Variants in FLNC observed in about 807,000 individuals in gnomAD.
The protein encoded by FLNC is filamin-C.
In FLNC, 91 loss-of-function variants were observed where a neutral mutation model predicts 254.3. That is an observed-to-expected ratio of 0.36 (90% CI 0.30 to 0.43). The LOEUF (loss-of-function observed/expected upper bound fraction) is 0.43. FLNC is among the 20% of genes least tolerant of loss of function. FLNC has a pLI of 1.00. For missense variants in FLNC, 2,853 were observed against 3,802.6 expected (o/e 0.75, Z 6.57); for synonymous variants, 1,430 against 1,577.2 (o/e 0.91, Z 2.21).
At chr7:128,850,707 G>T (rs1260321890) in intron 32 of FLNC, 96 bp from the exon 33 acceptor site, 2 of 1,561,322 alleles carry the variant, frequency 1.3e-6, no homozygotes, top group Non-Finnish European at 1.7e-6. Context: ...CTGGCTTCTC[G>T]GGTGGCAGCA....
chr7:128,849,290 C>T (rs1340335055), intron 29 of FLNC, 41 bp from the exon 30 acceptor site: 1 of 1,614,112 alleles, frequency 6.2e-7, no homozygotes, highest in South Asian at 1.1e-5. Context: ...AGGGCTGGCT[C>T]CAGCCCACCA....
Position 128,835,196 on chromosome 7 carries a change from G to T in FLNC, c.353-130G>T. 8.1e-7 allele frequency: 1 copy of T among 1,234,158 alleles called. No individual in the cohort carries two copies. The highest frequency in any genetic ancestry group is 1.2e-6 in the Non-Finnish European group (1 of 855,968). 76.5% of individuals were successfully genotyped at this position (1,234,158 alleles called of 1,614,324 possible). A position where few individuals can be genotyped will look rare whatever the true frequency, so the allele number is the denominator to read the frequency against. On this transcript the variant is annotated intron_variant, in intron 1 of 47. Transcript: ENST00000325888. The surrounding 1 kb of genome is among the most constrained non-coding windows in gnomAD (Gnocchi z 5.3). ...AGTGGGGCCTCGCAGGAGGGAGAGG[G>T]TCAGGTAGGCAGAGACTAGAGGCCT...
At position 128,830,812 on chromosome 7, in the gene FLNC, G is replaced by T; in HGVS notation, c.175G>T (p.Asp59Tyr). 6.2e-7 allele frequency: 1 copy of T among 1,613,070 alleles called. No homozygotes were observed. The highest frequency in any genetic ancestry group is 8.5e-7 in the Non-Finnish European group (1 of 1,179,922). The change falls in exon 1 of 48, where the codon GAC becomes TAC. Residue 59 changes from aspartate to tyrosine, a missense_variant. Around this residue, in one of 10 missense-constraint regions of FLNC, gnomAD observed 59 missense variants for 59.8 expected, o/e 0.99. Coordinates refer to ENST00000325888, the MANE Select transcript of FLNC (RefSeq NM_001458.5). ...HLKCVGKRLT[D>Y]LQRDLSDGLR... ...CAAGTGCGTGGGCAAGCGCCTGACC[G>T]ACCTGCAGCGCGACCTCAGCGACGG...
In FLNC at chr7:128,853,328, C is replaced by T. The variant is rs117360467; in HGVS notation, c.6209-141C>T. On this transcript the variant is annotated intron_variant, in intron 37 of 47. Coordinates refer to ENST00000325888, the MANE Select transcript of FLNC (RefSeq NM_001458.5). ...CCGCCTGTCCCGTGGTGCCCCCGCT[C>T]CTCCCACTGAGCCATTTTTGTTAGT... 0.01 allele frequency: 11,161 copies of T among 1,071,922 alleles called. 70 individuals carry two copies. The highest frequency in any genetic ancestry group is 0.013 in the Non-Finnish European group (9,174 of 723,690). 66.4% of individuals were successfully genotyped at this position (1,071,922 alleles called of 1,614,324 possible).
rs373212534 is a variant in FLNC, at chr7:128,842,249, A to G, written c.2140A>G (p.Ile714Val). Residue 714 changes from isoleucine to valine, a missense_variant, in exon 14 of 48, where the codon ATC (isoleucine) becomes GTC (valine). Around this residue, in one of 10 missense-constraint regions of FLNC, gnomAD observed 1,573 missense variants for 1,883.5 expected, o/e 0.84. Transcript: ENST00000325888. The surrounding 1 kb of genome is among the most constrained non-coding windows in gnomAD (Gnocchi z 5.4). ...CCCACAGGACGCCGACGGCTGTCCC[A>G]TCGACATCAAGGTGATCCCCAACGG... ...LYAQDADGCP[I>V]DIKVIPNGDG... 9 of 1,613,616 alleles carry G rather than the reference A, an allele frequency of 5.6e-6. No individual in the cohort carries two copies. The African/African-American group carries it at 6.7e-5, about 12-fold the overall frequency.
At chr7:128,850,742 A>G (rs1248070991) in intron 32 of FLNC, 61 bp from the exon 33 acceptor site, 1 of 1,610,538 alleles carries the variant, frequency 6.2e-7, no homozygotes, top group Admixed American at 1.7e-5. Flanking sequence ...CAGGCCTGGG[A>G]CAGCAGGGAG....
rs772477251 is a variant in FLNC at position 128,852,863 on chromosome 7, G to C, written c.6040G>C (p.Val2014Leu). The change falls in exon 37 of 48, where the codon GTG (valine) becomes CTG (leucine). Residue 2014 changes from valine to leucine, a missense_variant. This residue lies in a region of FLNC where 551 missense variants were observed against 835.0 expected (regional missense o/e 0.66). Coordinates refer to ENST00000325888, the MANE Select transcript of FLNC (RefSeq NM_001458.5). Reference sequence around the variant, plus strand: ...CACCCCCAAGGAGGTCGGGGAGCACGTGGTGAGCGTGCGCAAGAGTGGCAA... The same window carrying C: ...CACCCCCAAGGAGGTCGGGGAGCACCTGGTGAGCGTGCGCAAGAGTGGCAA... Reference protein sequence around the residue: ...SFTPKEVGEHVVSVRKSGKHV... With the variant: ...SFTPKEVGEHLVSVRKSGKHV... The C allele has an allele frequency of 4.3e-6, 7 of 1,613,868 alleles. No individual in the cohort carries two copies. Among genetic ancestry groups the C allele is most frequent in the South Asian group, 1.1e-5 (1 of 91,074 alleles).
At chr7:128,837,287 G>C in intron 3 of FLNC, 30 bp downstream of exon 3, 1 of 1,577,372 alleles carries the variant, frequency 6.3e-7, no homozygotes, top group African/African-American at 1.3e-5. Flanking sequence ...AGGGGGGAAA[G>C]GGGGCAGGGG....
chr7:128,844,303 G>C, intron 20 of FLNC, 37 bp downstream of exon 20: 1 of 1,573,380 alleles, frequency 6.4e-7, no homozygotes, highest in Non-Finnish European at 8.6e-7. Context: ...TGGGAGTTGG[G>C]GACTTGTTGG....
At chr7:128,844,343 C>A in intron 20 of FLNC, 77 bp downstream of exon 20, 1 of 1,487,996 alleles carries the variant, frequency 6.7e-7, no homozygotes. Flanking sequence ...GGGGCAGAGG[C>A]CAGAGGGACT....
rs1170465988 is a variant in FLNC, at chr7:128,855,260, G to A, written c.7197G>A (p.Val2399=). 7.4e-6 allele frequency: 12 copies of A among 1,613,964 alleles called. No homozygotes were observed. Among genetic ancestry groups the A allele is most frequent in the South Asian group, 1.1e-5 (1 of 91,074 alleles). Residue 2399 remains valine, a synonymous_variant, in exon 43 of 48, where the codon GTG becomes GTA. Coordinates refer to ENST00000325888, the MANE Select transcript of FLNC (RefSeq NM_001458.5). ...ACATCCCAGACAGCCCCTTTGTGGT[G>A]CCTGTGGCCTCCCTCTCGGATGACG... ...DEHIPDSPFV[V]PVASLSDDAR...
rs1808437642 is a variant in FLNC at position 128,843,741 on chromosome 7, G to A, written c.2812-55G>A. The A allele has an allele frequency of 4.5e-6, 7 of 1,545,280 alleles. No individual in the cohort carries two copies. The East Asian group carries it at 1.6e-4, about 35-fold the overall frequency. On this transcript the variant is annotated intron_variant, in intron 18 of 47. Coordinates refer to ENST00000325888, the MANE Select transcript of FLNC (RefSeq NM_001458.5). Reference sequence around the variant, plus strand: ...CTTCAGAGCCCATATTCACCACCAGGATGTTGTAGGACCTTGCCTTATATC... The same window carrying A: ...CTTCAGAGCCCATATTCACCACCAGAATGTTGTAGGACCTTGCCTTATATC...
chr7:128,853,458 C>A lies in FLNC; in HGVS notation c.6209-11C>A. 1 of 1,613,830 alleles carries A rather than the reference C, an allele frequency of 6.2e-7. No homozygotes were observed. Among genetic ancestry groups the A allele is most frequent in the Non-Finnish European group, 8.5e-7 (1 of 1,179,990 alleles). On this transcript the variant is annotated splice_polypyrimidine_tract_variant and intron_variant, in intron 37 of 47. Coordinates refer to ENST00000325888, the MANE Select transcript of FLNC (RefSeq NM_001458.5). ...AGGACTGAGGGAGATGTGTTCCTTG[C>A]TTTCCCCCAGGTTATGGGGGCTTGG...
chr7:128,833,311 C>G (rs768708679), intron 1 of FLNC, among the ~76,000 whole-genome samples: 1 of 152,252 alleles, frequency 6.6e-6, no homozygotes, highest in African/African-American at 2.4e-5. Flanking sequence ...CTCTCCTCCC[C>G]CTCCATTTGA....
chr7:128,833,695 G>A (rs1173200505), intron 1 of FLNC, among the ~76,000 whole-genome samples: 4 of 152,222 alleles, frequency 2.6e-5, no homozygotes, highest in African/African-American at 9.7e-5. Flanking sequence ...ACTTCTGGGC[G>A]TGTGAGCTTT....
Position 128,852,823 on chromosome 7 carries a change from C to T in FLNC, c.6005-5C>T. ...GATGCTCTGCCTAACACCCACTTTC[C>T]ACAGGGATCTCCTTCACCCCCAAGG... is the stretch of plus-strand genomic sequence containing the variant. On this transcript the variant is annotated splice_polypyrimidine_tract_variant and splice_region_variant and intron_variant, in intron 36 of 47. Coordinates refer to ENST00000325888, the MANE Select transcript of FLNC (RefSeq NM_001458.5). The T allele has an allele frequency of 3.1e-6, 5 of 1,613,876 alleles. No homozygotes were observed. Among genetic ancestry groups the T allele is most frequent in the Non-Finnish European group, 4.2e-6 (5 of 1,180,040 alleles).
chr7:128,843,140 G>T, intron 16 of FLNC, 89 bp from the exon 17 acceptor site: 1 of 1,417,138 alleles, frequency 7.1e-7, no homozygotes, highest in Non-Finnish European at 9.8e-7. Flanking sequence ...TCCATGCTGG[G>T]TCCCCTGGGT....
chr7:128,849,552 A>G lies in FLNC; in HGVS notation c.5173A>G (p.Ile1725Val). Residue 1725 changes from isoleucine to valine, a missense_variant, in exon 30 of 48, where the codon ATC (isoleucine) becomes GTC (valine). By Grantham distance (29) the Ile-to-Val change is conservative (BLOSUM62 3). Coordinates refer to ENST00000325888, the MANE Select transcript of FLNC (RefSeq NM_001458.5). ...CACCATCCGCTTCGGGGGTGAGCACATCCCCAACAGCCCCTTCCACGTGCT... is the reference window on the plus strand; with the variant it reads ...CACCATCCGCTTCGGGGGTGAGCACGTCCCCAACAGCCCCTTCCACGTGCT... ...VITIRFGGEH[I>V]PNSPFHVLAC... 1 of 1,614,070 alleles carries G rather than the reference A, an allele frequency of 6.2e-7. No homozygotes were observed. Among genetic ancestry groups the G allele is most frequent in the Non-Finnish European group, 8.5e-7 (1 of 1,180,018 alleles).
chr7:128,835,387 C>T lies in FLNC; in HGVS notation c.414C>T (p.Ile138=), dbSNP rs773988730. 1 of 1,613,988 alleles carries T rather than the reference C, an allele frequency of 6.2e-7. No individual in the cohort carries two copies. The change falls in exon 2 of 48, where the codon ATC becomes ATT. Residue 138 remains isoleucine, a synonymous_variant. Transcript: ENST00000325888. This position sits in a 1 kb window ranked among gnomAD's most constrained non-coding sequence, Gnocchi z 5.3. ...TCCTGGGCCTGATCTGGACGCTGAT[C>T]CTGCACTACTCCATCTCCATGCCCA... ...KLILGLIWTL[I]LHYSISMPMW...
Sources: gnomAD v4.1 joint callset for allele counts (sites outside exome capture counted in the v4.1 genomes callset) on GRCh38, gnomAD v4.1.1 for gene constraint, gnomAD v4.1.1 regional missense constraint, Gnocchi (gnomAD v3.1) non-coding constraint, MANE v1.5 for transcripts, NCBI Gene and HGNC (gene_info 2026-07-23, HGNC 2026-07-21) for gene names.